Variants in PREP observed in about 807,000 individuals in gnomAD.
PREP encodes dJ355L5.1 (prolyl endopeptidase).
A neutral mutation model predicts 87.6 loss-of-function variants in PREP; 29 were observed. That is an observed-to-expected ratio of 0.33 (90% CI 0.25 to 0.45). The LOEUF is 0.45. PREP is among the 20% of genes least tolerant of loss of function. The pLI is 1.00. For missense variants in PREP, 695 were observed against 886.5 expected (o/e 0.78, Z 2.74); for synonymous variants, 337 against 328.6 (o/e 1.03, Z -0.28).
At chr6:105,383,338 G>GATTC (rs1479530134) in intron 2 of PREP, among the ~76,000 whole-genome samples, 1 of 151,690 alleles carries the variant, frequency 6.6e-6, no homozygotes, top group Non-Finnish European at 1.5e-5. Flanking sequence ...ACAACAAAGG[G>GATTC]GGAATCTTAA....
At chr6:105,388,550 C>T (rs1374219721) in intron 2 of PREP, among the ~76,000 whole-genome samples, 3 of 152,108 alleles carry the variant, frequency 2.0e-5, no homozygotes, top group Non-Finnish European at 4.4e-5. Flanking sequence ...GCAACTTCCT[C>T]ATACTTTTGA....
intron 10 of PREP, among the ~76,000 whole-genome samples, chr6:105,300,971 G>A (rs934805862): frequency 6.6e-6 from 1 of 152,206 alleles, no homozygotes; most frequent in Non-Finnish European, 1.5e-5. Flanking sequence ...TCCTTGAGAT[G>A]CGTACATTTA....
intron 7 of PREP, among the ~76,000 whole-genome samples, chr6:105,350,524 G>C (rs1771919091): frequency 6.6e-6 from 1 of 152,032 alleles, no homozygotes; most frequent in Admixed American, 6.6e-5. Flanking sequence ...AATCTGCTGT[G>C]TCTCCCCTTT....
At chr6:105,325,639 G>A (rs965541698) in intron 9 of PREP, among the ~76,000 whole-genome samples, 2 of 152,112 alleles carry the variant, frequency 1.3e-5, no homozygotes, top group South Asian at 2.1e-4. Flanking sequence ...ATATTTTATC[G>A]ATACTTTCTG....
In PREP at chr6:105,277,497, T is replaced by C. The variant is rs1166188673; in HGVS notation, c.*647A>G. 6.6e-6 allele frequency: 1 copy of C among 152,354 alleles called. No individual in the cohort carries two copies. The highest frequency in any genetic ancestry group is 2.4e-5 in the African/African-American group (1 of 41,442). 9.4% of individuals were successfully genotyped at this position (152,354 alleles called of 1,614,324 possible). On this transcript the variant is annotated 3_prime_UTR_variant, in exon 15 of 15. Coordinates refer to ENST00000652536, the MANE Select transcript of PREP (RefSeq NM_002726.5). Reference sequence around the variant, plus strand: ...TACCCAACTAAGTGGTCAGTGTTTGTTTATGACAGTGAACCCCCTCTGACA... The same window carrying C: ...TACCCAACTAAGTGGTCAGTGTTTGCTTATGACAGTGAACCCCCTCTGACA...
At chr6:105,313,154 T>A (rs551950659) in intron 10 of PREP, among the ~76,000 whole-genome samples, 94 of 152,320 alleles carry the variant, frequency 6.2e-4, no homozygotes, top group African/African-American at 2.3e-3. Context: ...ACTACACTTG[T>A]GGAGATGGAA....
chr6:105,332,302 C>T (rs1771355637), intron 8 of PREP, among the ~76,000 whole-genome samples: 1 of 152,032 alleles, frequency 6.6e-6, no homozygotes, highest in Non-Finnish European at 1.5e-5. Flanking sequence ...CCTGCCACCC[C>T]CAAGCAACGC....
At chr6:105,342,018 T>C (rs553909995) in intron 7 of PREP, among the ~76,000 whole-genome samples, 1 of 152,282 alleles carries the variant, frequency 6.6e-6, no homozygotes, top group South Asian at 2.1e-4. Context: ...GAGGGAATCC[T>C]CCCTAACTCA....
At position 105,329,137 on chromosome 6, in the gene PREP, T is replaced by C. The variant is rs982065255; in HGVS notation, c.1016-111A>G. ...ACATAGGGCTATGCAGCAATGAGAC[T>C]TGCAAAGTCACTTTTACATTTTTTT... On this transcript the variant is annotated intron_variant, in intron 8 of 14. Transcript: ENST00000652536. 1.3e-4 allele frequency: 139 copies of C among 1,039,630 alleles called. 1 individual carries two copies. The East Asian group carries it at 3.4e-3, about 26-fold the overall frequency. The allele number at this position is 1,039,630 out of a possible 1,614,324, so 64.4% of individuals were successfully genotyped here. A position where few individuals can be genotyped will look rare whatever the true frequency, so the allele number is the denominator to read the frequency against.
Position 105,352,998 on chromosome 6 carries a change from AG to A in PREP, c.796del (p.Leu266TyrfsTer12). 6.2e-7 allele frequency: 1 copy of A among 1,613,952 alleles called. No individual in the cohort carries two copies. Among genetic ancestry groups the A allele is most frequent in the South Asian group, 1.1e-5 (1 of 91,074 alleles). On this transcript the variant is annotated frameshift_variant, in exon 7 of 15. Transcript: ENST00000652536. LOFTEE classifies it high-confidence loss of function. ...DPVNRLWYCDLQQESSGIAGI... is the reference protein window; with the variant it reads ...DPVNRLWYCDXQQESSGIAGI... The stretch of plus-strand genomic sequence containing the variant: ...CGCGATGCCACTGGATTCCTGCTGT[AG>A]GTCACAGTACCAGAGTCGGTTTACT...
At chr6:105,323,359 A>G (rs1562199427) in intron 10 of PREP, among the ~76,000 whole-genome samples, 1 of 152,132 alleles carries the variant, frequency 6.6e-6, no homozygotes, top group Non-Finnish European at 1.5e-5. Flanking sequence ...AACACAAACC[A>G]TATTCAAGCA....
intron 10 of PREP, chr6:105,298,599 T>A (rs554069108): frequency 6.6e-6 from 1 of 152,628 alleles, no homozygotes; most frequent in Admixed American, 6.5e-5. Context: ...CAGCAGGCTG[T>A]CTTCCCATCT....
chr6:105,353,771 C>CA (rs397824826), intron 6 of PREP, among the ~76,000 whole-genome samples: 20,356 of 70,488 alleles, frequency 0.29, 3,402 homozygotes, highest in African/African-American at 0.49. Context: ...GACTCCATCT[C>CA]AAAAAAAAAA....
chr6:105,323,450 T>C (rs1347039466), intron 10 of PREP, among the ~76,000 whole-genome samples: 2 of 152,100 alleles, frequency 1.3e-5, no homozygotes, highest in Non-Finnish European at 2.9e-5. Context: ...GTAGCAGCCA[T>C]AGGAGCAGAA....
intron 14 of PREP, among the ~76,000 whole-genome samples, chr6:105,279,464 T>C (rs1421395501): frequency 6.6e-6 from 1 of 152,234 alleles, no homozygotes; most frequent in Non-Finnish European, 1.5e-5. Flanking sequence ...CTGTTAATAA[T>C]AACAATCTCC....
At chr6:105,339,154 T>C (rs1370835580) in intron 7 of PREP, among the ~76,000 whole-genome samples, 1 of 152,194 alleles carries the variant, frequency 6.6e-6, no homozygotes, top group South Asian at 2.1e-4. Flanking sequence ...GATTGACACC[T>C]CATAAGGCCG....
At chr6:105,332,944 T>TACTCAAAAGC (rs1307905139) in intron 8 of PREP, among the ~76,000 whole-genome samples, 1 of 152,218 alleles carries the variant, frequency 6.6e-6, no homozygotes, top group Non-Finnish European at 1.5e-5. Flanking sequence ...AGCCAAAGGT[T>TACTCAAAAGC]ACTCAAAAGC....
intron 5 of PREP, among the ~76,000 whole-genome samples, chr6:105,370,764 T>A (rs1772516804): frequency 6.6e-6 from 1 of 152,032 alleles, no homozygotes; most frequent in South Asian, 2.1e-4. Context: ...AAAAAGCCAA[T>A]CTGAAAAGGC....
At chr6:105,357,717 C>G (rs377590135) in intron 6 of PREP, among the ~76,000 whole-genome samples, 1 of 151,988 alleles carries the variant, frequency 6.6e-6, no homozygotes, top group South Asian at 2.1e-4. Context: ...TATTTCAAGG[C>G]AATTTAAAAG....
Sources: gnomAD v4.1 joint callset for allele counts (sites outside exome capture counted in the v4.1 genomes callset) on GRCh38, gnomAD v4.1.1 for gene constraint, MANE v1.5 for transcripts, NCBI Gene and HGNC (gene_info 2026-07-23, HGNC 2026-07-21) for gene names.